DLGAP1: variants seen among roughly 807,000 people sequenced by gnomAD.
DLGAP1 encodes DLG associated protein 1, also known as disks large-associated protein 1.
A neutral mutation model predicts 90.8 loss-of-function variants in DLGAP1; 11 were observed. The observed-to-expected ratio is 0.12, with a 90% CI of 0.08 to 0.20. The LOEUF (loss-of-function observed/expected upper bound fraction) is 0.20. DLGAP1 is among the 10% of genes least tolerant of loss of function. The probability of loss-of-function intolerance (pLI) is 1.00; values close to 1 mark genes in which losing one functional copy is unlikely to be tolerated. For synonymous variants in DLGAP1, 558 were observed against 540.7 expected, an observed-to-expected ratio of 1.03 and a Z score of -0.44; for missense variants, 1,050 against 1,333.8, an observed-to-expected ratio of 0.79 and a Z score of 3.31.
At chr18:3,796,516 C>A (rs1476414444) in intron 5 of DLGAP1, among the ~76,000 whole-genome samples, 6 of 152,108 alleles carry the variant, frequency 3.9e-5, no homozygotes, top group Admixed American at 1.3e-4. Flanking sequence ...TTGTAACATT[C>A]CATTGGTAGG....
chr18:3,920,113 C>T (rs547890060), intron 3 of DLGAP1, among the ~76,000 whole-genome samples: 9 of 152,010 alleles, frequency 5.9e-5, no homozygotes, highest in East Asian at 1.9e-4. Flanking sequence ...GAGGCCGAGG[C>T]GGGCAGATCA....
chr18:3,872,705 T>C (rs759939993), intron 4 of DLGAP1, among the ~76,000 whole-genome samples: 51 of 152,196 alleles, frequency 3.4e-4, no homozygotes, highest in Admixed American at 1.6e-3. Context: ...TAAAATTGTG[T>C]AATGCCATGA....
Position 3,567,519 on chromosome 18 carries a change from G to A in DLGAP1, c.2028C>T (p.Ser676=), listed in dbSNP as rs780984705. ...GENKAPSKFQ[S]VGVQVEEEKC... ...TCTCTTCTTCTACTTGCACTCCCAC[G>A]GACTGGAACTTACTGGGTGCTTTAT... Residue 676 remains serine, a synonymous_variant, in exon 9 of 13, where the codon TCC becomes TCT. Coordinates refer to ENST00000315677, the MANE Select transcript of DLGAP1 (RefSeq NM_004746.4). The A allele has an allele frequency of 9.9e-6, 16 of 1,613,862 alleles. No homozygotes were observed. The highest frequency in any genetic ancestry group is 4.4e-5 in the South Asian group (4 of 91,056).
At chr18:3,900,996 T>A (rs1340494568) in intron 3 of DLGAP1, among the ~76,000 whole-genome samples, 2 of 151,918 alleles carry the variant, frequency 1.3e-5, no homozygotes, top group Non-Finnish European at 2.9e-5. Flanking sequence ...CAAAACGGTC[T>A]CTATTCCCTT....
At chr18:3,661,748 T>A (rs888851875) in intron 7 of DLGAP1, among the ~76,000 whole-genome samples, 2 of 151,998 alleles carry the variant, frequency 1.3e-5, no homozygotes, top group African/African-American at 4.8e-5. Flanking sequence ...GGATGATTTT[T>A]TTTTTTGTAT....
chr18:3,833,694 G>A (rs1357159778), intron 4 of DLGAP1, among the ~76,000 whole-genome samples: 3 of 152,098 alleles, frequency 2.0e-5, no homozygotes, highest in Admixed American at 6.5e-5. Context: ...AGGGAAACTA[G>A]GACTTCTGAA....
intron 1 of DLGAP1, among the ~76,000 whole-genome samples, chr18:4,395,358 A>G (rs920983361): frequency 3.4e-5 from 5 of 148,094 alleles, no homozygotes; most frequent in Admixed American, 2.1e-4. Flanking sequence ...AAAAAAATCA[A>G]GATAAACTTA....
chr18:4,071,521 C>T (rs926908982), intron 2 of DLGAP1, among the ~76,000 whole-genome samples: 1 of 152,168 alleles, frequency 6.6e-6, no homozygotes, highest in African/African-American at 2.4e-5. Context: ...AGTGCCCTCT[C>T]CCACAGTTCC....
chr18:3,980,883 C>T (rs746534355), intron 3 of DLGAP1, among the ~76,000 whole-genome samples: 2 of 152,020 alleles, frequency 1.3e-5, no homozygotes, highest in African/African-American at 4.8e-5. Context: ...CATTTATTTG[C>T]GGTGAGAATA....
At chr18:3,607,687 C>T (rs2057387557) in intron 7 of DLGAP1, 1 of 152,124 alleles carries the variant, frequency 6.6e-6, no homozygotes. Flanking sequence ...CAGAACATAC[C>T]ATCCTTTTGC....
At chr18:3,600,893 G>C (rs375902249) in intron 7 of DLGAP1, among the ~76,000 whole-genome samples, 1 of 51,172 alleles carries the variant, frequency 2.0e-5, no homozygotes, top group Non-Finnish European at 3.9e-5. Context: ...TAGATATATA[G>C]ATATATATAG....
At chr18:3,853,993 C>T (rs754860512) in intron 4 of DLGAP1, among the ~76,000 whole-genome samples, 8 of 151,654 alleles carry the variant, frequency 5.3e-5, no homozygotes, top group Non-Finnish European at 8.8e-5. Flanking sequence ...TTCCAAAGAA[C>T]AACAACAACA....
chr18:4,127,997 TA>T (rs1188011522), intron 2 of DLGAP1, among the ~76,000 whole-genome samples: 5 of 152,210 alleles, frequency 3.3e-5, no homozygotes, highest in Non-Finnish European at 5.9e-5. Flanking sequence ...GAGTTTGACA[TA>T]AATCTTGTTT....
intron 7 of DLGAP1, 83 bp from the exon 8 acceptor site, chr18:3,582,331 TA>T (rs1191170517): frequency 1.3e-5 from 20 of 1,535,478 alleles, no homozygotes. Flanking sequence ...CATTGGGAAT[TA>T]GGGCACATGA....
At chr18:4,185,065 T>C (rs74842769) in intron 1 of DLGAP1, among the ~76,000 whole-genome samples, 7,047 of 152,162 alleles carry the variant, frequency 0.046, 511 homozygotes, top group African/African-American at 0.16. Flanking sequence ...TCCTCATTCA[T>C]CTTTTTATTC....
At chr18:3,759,719 G>T (rs776247440) in intron 5 of DLGAP1, among the ~76,000 whole-genome samples, 64 of 152,334 alleles carry the variant, frequency 4.2e-4, no homozygotes, top group Admixed American at 1.6e-3. Context: ...TGTAATTCAT[G>T]TTAAGCTTAT....
At chr18:3,974,894 T>TA (rs77364317) in intron 3 of DLGAP1, among the ~76,000 whole-genome samples, 30 of 149,538 alleles carry the variant, frequency 2.0e-4, no homozygotes, top group Admixed American at 2.0e-4. Context: ...CTTGAGGACA[T>TA]AAAAAAAAAA....
At chr18:4,282,815 C>T (rs191266866) in intron 1 of DLGAP1, among the ~76,000 whole-genome samples, 1 of 152,274 alleles carries the variant, frequency 6.6e-6, no homozygotes, top group Non-Finnish European at 1.5e-5. Flanking sequence ...ACTTAAAGTT[C>T]AGTTTTTAAA....
chr18:4,311,377 GCTTT>G (rs1354731253), intron 1 of DLGAP1, among the ~76,000 whole-genome samples: 1 of 152,146 alleles, frequency 6.6e-6, no homozygotes, highest in Non-Finnish European at 1.5e-5. Flanking sequence ...ACTCATGTCG[GCTTT>G]ATTTAGATAA....
Sources: allele counts gnomAD v4.1 joint callset (sites outside exome capture counted in the v4.1 genomes callset), GRCh38; gene constraint gnomAD v4.1.1; transcripts MANE v1.5; gene names NCBI Gene and HGNC (gene_info 2026-07-23, HGNC 2026-07-21).